The following TMEM163 variants were observed in gnomAD, a reference collection of about 807,000 sequenced individuals.
TMEM163 encodes the protein transmembrane protein 163.
In TMEM163, 17 loss-of-function variants were observed where a neutral mutation model predicts 29.3. The observed-to-expected ratio is 0.58, with a 90% CI of 0.40 to 0.87. TMEM163 has a LOEUF of 0.87. Among genes scored for constraint, TMEM163 ranks in the 40% least tolerant of loss-of-function variants. The pLI, the probability that TMEM163 is intolerant of heterozygous loss-of-function variation, is 0.00. For synonymous variants in TMEM163, 157 were observed against 160.6 expected (o/e 0.98, Z 0.17); for missense variants, 303 against 381.5 (o/e 0.79, Z 1.71).
chr2:134,584,361 T>C (rs1681763134), intron 2 of TMEM163, among the ~76,000 whole-genome samples: 1 of 152,164 alleles, frequency 6.6e-6, no homozygotes, highest in African/African-American at 2.4e-5. Context: ...CCAGCCATGG[T>C]GTCTGAAGCA....
In TMEM163 at chr2:134,621,051, C is replaced by G. The variant is rs574819513; in HGVS notation, c.323-68960G>C. 1.6e-4 allele frequency among the ~76,000 whole-genome samples: 25 copies of G among 152,058 alleles called. 1 individual carries two copies. The South Asian group carries it at 5.2e-3, about 32-fold the overall frequency. On this transcript the variant is annotated intron_variant, in intron 2 of 7. Transcript: ENST00000281924. ...AGAAAATGAAAAGACAAGCTACTTA[C>G]TGTGAAAAAATAATTGCAAATCATA... is the stretch of plus-strand genomic sequence containing the variant.
intron 2 of TMEM163, among the ~76,000 whole-genome samples, chr2:134,707,184 C>T (rs975732166): frequency 1.3e-5 from 2 of 152,202 alleles, no homozygotes; most frequent in Non-Finnish European, 2.9e-5. Flanking sequence ...GAAAACATTC[C>T]TGCAGATTCT....
At chr2:134,469,398 C>T (rs1016746526) in intron 5 of TMEM163, 1 of 152,156 alleles carries the variant, frequency 6.6e-6, no homozygotes, top group African/African-American at 2.4e-5. Flanking sequence ...TGACTCTGGG[C>T]AGGTCACTTA....
chr2:134,672,997 C>T (rs968257939), intron 2 of TMEM163, among the ~76,000 whole-genome samples: 1 of 152,168 alleles, frequency 6.6e-6, no homozygotes, highest in Non-Finnish European at 1.5e-5. Context: ...CAAGGCGCAA[C>T]TTTAATTAGG....
At chr2:134,641,760 C>G (rs890721398) in intron 2 of TMEM163, among the ~76,000 whole-genome samples, 4 of 152,064 alleles carry the variant, frequency 2.6e-5, no homozygotes, top group South Asian at 2.1e-4. Flanking sequence ...TATGAATGCT[C>G]TAAATGCACC....
At position 134,497,462 on chromosome 2, in the gene TMEM163, G is replaced by C. The variant is rs151295315; in HGVS notation, c.555+5439C>G. Among the ~76,000 whole-genome samples, 99 of 152,290 alleles carry C rather than the reference G, an allele frequency of 6.5e-4. 2 individuals carry two copies. In the East Asian group the frequency reaches 0.015, roughly 24 times the overall value. On this transcript the variant is annotated intron_variant, in intron 5 of 7. Transcript: ENST00000281924. ...GTCTGGGCCCAGACACTGGCCAAGA[G>C]CGCAAGGTGAAGAGGTCATGGTCCA...
intron 2 of TMEM163, among the ~76,000 whole-genome samples, chr2:134,678,148 A>C (rs990088697): frequency 6.6e-6 from 1 of 152,144 alleles, no homozygotes; most frequent in African/African-American, 2.4e-5. Context: ...GGGCTATTTA[A>C]AGTCGTTTTT....
intron 2 of TMEM163, among the ~76,000 whole-genome samples, chr2:134,619,718 A>C (rs561854506): frequency 3.0e-4 from 46 of 152,334 alleles, no homozygotes; most frequent in African/African-American, 1.1e-3. Context: ...AGCCAATGTA[A>C]TATGGTAAGC....
intron 4 of TMEM163, among the ~76,000 whole-genome samples, chr2:134,518,442 C>T (rs1450066179): frequency 6.6e-6 from 1 of 152,214 alleles, no homozygotes; most frequent in Non-Finnish European, 1.5e-5. Flanking sequence ...TGTTTCCACA[C>T]CCATTATCAT....
At chr2:134,591,258 T>A (rs1681928610) in intron 2 of TMEM163, among the ~76,000 whole-genome samples, 1 of 152,202 alleles carries the variant, frequency 6.6e-6, no homozygotes, top group South Asian at 2.1e-4. Flanking sequence ...TTTGTGTCCA[T>A]GCTCCTTAAT....
chr2:134,637,416 G>A lies in TMEM163; in HGVS notation c.322+75784C>T, dbSNP rs112420995. On this transcript the variant is annotated intron_variant, in intron 2 of 7. Transcript: ENST00000281924. The stretch of plus-strand genomic sequence containing the variant: ...AGGGCTGGTTCCCGCCTGGCAGCCT[G>A]TGCTGCCAGGATGGGCTCCAGCCAT... 1.1e-3 allele frequency among the ~76,000 whole-genome samples: 173 copies of A among 152,316 alleles called. 1 individual carries two copies. Among genetic ancestry groups the A allele is most frequent in the African/African-American group, 3.8e-3 (160 of 41,570 alleles).
intron 2 of TMEM163, among the ~76,000 whole-genome samples, chr2:134,637,789 G>C (rs1218183331): frequency 6.6e-6 from 1 of 152,162 alleles, no homozygotes; most frequent in Non-Finnish European, 1.5e-5. Flanking sequence ...TGTATGTGCA[G>C]CTCACATTTA....
chr2:134,561,328 C>T (rs1424599810), intron 2 of TMEM163, among the ~76,000 whole-genome samples: 5 of 152,314 alleles, frequency 3.3e-5, no homozygotes, highest in East Asian at 1.9e-4. Flanking sequence ...CTCAGCCTCC[C>T]GAGTAGCTGG....
At chr2:134,616,136 A>C (rs1263832539) in intron 2 of TMEM163, among the ~76,000 whole-genome samples, 1 of 152,248 alleles carries the variant, frequency 6.6e-6, no homozygotes, top group Non-Finnish European at 1.5e-5. Context: ...GGTCAAGAGC[A>C]AAGATCATGG....
intron 2 of TMEM163, among the ~76,000 whole-genome samples, chr2:134,668,584 C>T (rs1574325379): frequency 1.3e-5 from 2 of 149,778 alleles, no homozygotes; most frequent in East Asian, 4.0e-4. Flanking sequence ...GAGACCGTGC[C>T]ATTGCACTCC....
chr2:134,682,555 C>T lies in TMEM163; in HGVS notation c.322+30645G>A, dbSNP rs368475721. ...CGTGAAGAGCCTTGGGAGAGTTCTT[C>T]ATTCTCACACTTACAAATATAATTA... On this transcript the variant is annotated intron_variant, in intron 2 of 7. Coordinates refer to ENST00000281924, the MANE Select transcript of TMEM163 (RefSeq NM_030923.5). Among the ~76,000 whole-genome samples, 6 of 152,210 alleles carry T rather than the reference C, an allele frequency of 3.9e-5. No homozygotes were observed. In the East Asian group the frequency reaches 5.8e-4, roughly 15 times the overall value.
At chr2:134,580,949 A>G (rs1327948992) in intron 2 of TMEM163, among the ~76,000 whole-genome samples, 4 of 152,138 alleles carry the variant, frequency 2.6e-5, no homozygotes, top group African/African-American at 9.7e-5. Context: ...CAAGATGTGG[A>G]TGGTGGTTCT....
intron 2 of TMEM163, among the ~76,000 whole-genome samples, chr2:134,563,040 C>G (rs752574621): frequency 6.6e-6 from 1 of 152,330 alleles, no homozygotes; most frequent in Non-Finnish European, 1.5e-5. Flanking sequence ...CCCTTATATG[C>G]AATGGCAAGC....
chr2:134,674,494 C>CAT lies in TMEM163; in HGVS notation c.322+38705_322+38706insAT, dbSNP rs1302796821. Among the ~76,000 whole-genome samples, 437 of 85,062 alleles carry CAT rather than the reference C, an allele frequency of 5.1e-3. 5 individuals are homozygous for CAT. Among genetic ancestry groups the CAT allele is most frequent in the African/African-American group, 0.024 (395 of 16,214 alleles). 55.8% of individuals were successfully genotyped at this position (85,062 alleles called of 152,430 possible). Reference sequence around the variant, plus strand: ...AAGTAGCTGGGACTACAGGCGCGCGCGCGCGCGCGCGCGCGCTACCATATC... The same window carrying CAT: ...AAGTAGCTGGGACTACAGGCGCGCGCATGCGCGCGCGCGCGCGCTACCATATC... On this transcript the variant is annotated intron_variant, in intron 2 of 7. Coordinates refer to ENST00000281924, the MANE Select transcript of TMEM163 (RefSeq NM_030923.5).
Sources: gnomAD v4.1 joint callset for allele counts (sites outside exome capture counted in the v4.1 genomes callset) on GRCh38, gnomAD v4.1.1 for gene constraint, MANE v1.5 for transcripts, NCBI Gene and HGNC (gene_info 2026-07-23, HGNC 2026-07-21) for gene names.